ELFN2: variants seen among roughly 807,000 people sequenced by gnomAD.
The protein encoded by ELFN2 is protein phosphatase 1 regulatory subunit 29.
A neutral mutation model predicts 45.5 loss-of-function variants in ELFN2; 17 were observed. The observed-to-expected ratio is 0.37, with a 90% CI of 0.26 to 0.56. The LOEUF is 0.56. ELFN2 is among the 20% of genes least tolerant of loss of function. The pLI, the probability that ELFN2 is intolerant of heterozygous loss-of-function variation, is 0.77. For synonymous variants in ELFN2, 550 were observed against 551.5 expected, an observed-to-expected ratio of 1.00 and a Z score of 0.04; for missense variants, 922 against 1,183.2, an observed-to-expected ratio of 0.78 and a Z score of 3.24.
intron 1 of ELFN2, among the ~76,000 whole-genome samples, chr22:37,348,917 G>A (rs1211140140): frequency 6.6e-6 from 1 of 150,818 alleles, no homozygotes; most frequent in African/African-American, 2.4e-5. Context: ...GATAGGAAGT[G>A]AGCCCTGGGG....
intron 1 of ELFN2, among the ~76,000 whole-genome samples, chr22:37,348,633 G>T (rs1446302267): frequency 6.6e-6 from 1 of 150,658 alleles, no homozygotes; most frequent in African/African-American, 2.4e-5. Flanking sequence ...CCATGGTCTG[G>T]GTCTCTCTCT....
chr22:37,375,531 G>C lies in ELFN2; in HGVS notation c.4C>G (p.Leu2Val), dbSNP rs372790138. 6.5e-7 allele frequency: 1 copy of C among 1,548,830 alleles called. No homozygotes were observed. Among genetic ancestry groups the C allele is most frequent in the African/African-American group, 1.4e-5 (1 of 73,094 alleles). M[L>V]RLGLCAAALL... ...GCCGCCGCGCACAGCCCCAGGCGCAGCATGGCGCTGGCCTCGGAGTGAGGG... is the reference window on the plus strand; with the variant it reads ...GCCGCCGCGCACAGCCCCAGGCGCACCATGGCGCTGGCCTCGGAGTGAGGG... Residue 2 changes from leucine (L) to valine (V), a missense_variant, in exon 3 of 3, where the codon CTG becomes GTG. This residue lies in a region of ELFN2 where 358 missense variants were observed against 540.4 expected (regional missense o/e 0.66). Transcript: ENST00000402918.
intron 2 of ELFN2, among the ~76,000 whole-genome samples, chr22:37,384,477 G>A (rs1931880459): frequency 7.2e-6 from 1 of 138,198 alleles, no homozygotes; most frequent in South Asian, 2.3e-4. Flanking sequence ...CCTCCCCCAT[G>A]GACTGTGCCT....
rs542177470 is a variant in ELFN2 at position 37,384,075 on chromosome 22, G to A, written c.-462-8079C>T. 4.6e-5 allele frequency among the ~76,000 whole-genome samples: 7 copies of A among 152,064 alleles called. No homozygotes were observed. The East Asian group carries it at 9.7e-4, about 21-fold the overall frequency. On this transcript the variant is annotated intron_variant, in intron 2 of 2. Transcript: ENST00000402918. ...CCCCCCCATGGCTCACCCGGTCCCC[G>A]TGCCTCCCCTGCTCACAGGGTGCCA...
chr22:37,340,749 C>G (rs1446195859), exon 3 of ELFN2: 2 of 152,296 alleles, frequency 1.3e-5, no homozygotes, highest in Non-Finnish European at 2.9e-5. Flanking sequence ...ATCACACATT[C>G]AACGTCTGGC....
chr22:37,364,810 A>G (rs1206672090), downstream of ELFN2, among the ~76,000 whole-genome samples: 1 of 152,218 alleles, frequency 6.6e-6, no homozygotes, highest in Admixed American at 6.5e-5. Flanking sequence ...GGAAGCAAGG[A>G]GGCTGGGGCT....
chr22:37,355,193 G>A (rs951647399), intron 1 of ELFN2, among the ~76,000 whole-genome samples: 5 of 152,150 alleles, frequency 3.3e-5, no homozygotes, highest in African/African-American at 7.2e-5. Flanking sequence ...GTTTTCTGCC[G>A]CAAGTGACAG....
At position 37,374,688 on chromosome 22, in the gene ELFN2, C is replaced by T; in HGVS notation, c.847G>A (p.Val283Met). Reference protein sequence around the residue: ...SGFNPDEILSVEPPASSTTDA... With the variant: ...SGFNPDEILSMEPPASSTTDA... ...GTGGTGGACGAGGCCGGCGGCTCCA[C>T]CGAAAGGATCTCGTCGGGGTTGAAG... Residue 283 changes from valine (V) to methionine (M), a missense_variant, in exon 3 of 3, where the codon GTG (valine) becomes ATG (methionine). Val to Met is a conservative substitution (Grantham distance 21). Coordinates refer to ENST00000402918, the MANE Select transcript of ELFN2 (RefSeq NM_052906.5). 1 of 1,611,638 alleles carries T rather than the reference C, an allele frequency of 6.2e-7. No homozygotes were observed. Among genetic ancestry groups the T allele is most frequent in the Non-Finnish European group, 8.5e-7 (1 of 1,178,008 alleles).
intron 2 of ELFN2, among the ~76,000 whole-genome samples, chr22:37,390,744 C>T (rs1481063261): frequency 2.0e-5 from 3 of 152,176 alleles, no homozygotes; most frequent in African/African-American, 4.8e-5. Context: ...TGCCCCCTCC[C>T]GCCACCCCTC....
rs982797129 is a variant in ELFN2 at position 37,350,096 on chromosome 22, C to T, written n.149-7393G>A. 4.0e-5 allele frequency among the ~76,000 whole-genome samples: 6 copies of T among 150,904 alleles called. 2 individuals are homozygous for T. Among genetic ancestry groups the T allele is most frequent in the Non-Finnish European group, 8.9e-5 (6 of 67,246 alleles). ...CAGAGGGCTGCTGGCTCAAAGGACA[C>T]AGCACCCAGAGACGCCCTTGTCGGA... is the stretch of plus-strand genomic sequence containing the variant. On this transcript the variant is annotated intron_variant and non_coding_transcript_variant, in intron 1 of 2. Transcript: ENST00000452946.
downstream of ELFN2, among the ~76,000 whole-genome samples, chr22:37,364,567 G>T (rs1328773541): frequency 6.6e-6 from 1 of 152,150 alleles, no homozygotes; most frequent in Non-Finnish European, 1.5e-5. Flanking sequence ...AGGCAGGAAG[G>T]GAGCAGGAAA....
At position 37,417,230 on chromosome 22, in the gene ELFN2, T is replaced by G. The variant is rs933322578; in HGVS notation, c.-463+539A>C. 1.3e-5 allele frequency among the ~76,000 whole-genome samples: 2 copies of G among 152,088 alleles called. No individual in the cohort carries two copies. The highest frequency in any genetic ancestry group is 2.9e-5 in the Non-Finnish European group (2 of 67,996). On this transcript the variant is annotated intron_variant, in intron 2 of 2. Transcript: ENST00000402918. The surrounding 1 kb of genome is among the most constrained non-coding windows in gnomAD (Gnocchi z 4.5). ...TTGCGGCCTCCTAGTGCCAGACGGC[T>G]CTCCCTGTGCCTCCAAAATTCAATG...
chr22:37,396,252 T>C (rs1466384987), intron 2 of ELFN2, among the ~76,000 whole-genome samples: 4 of 152,234 alleles, frequency 2.6e-5, no homozygotes, highest in Non-Finnish European at 4.4e-5. Context: ...AATTTTCAGA[T>C]TGGGTTTGCT....
chr22:37,423,998 G>A (rs972032588), intron 1 of ELFN2, among the ~76,000 whole-genome samples: 9 of 152,152 alleles, frequency 5.9e-5, no homozygotes, highest in Non-Finnish European at 1.3e-4. Context: ...CCTTCTAGAC[G>A]ATTAACACAG....
intron 1 of ELFN2, among the ~76,000 whole-genome samples, chr22:37,343,762 C>T (rs1930621324): frequency 6.7e-6 from 1 of 150,050 alleles, no homozygotes; most frequent in Admixed American, 6.6e-5. Context: ...TCACCCACCT[C>T]AGTCCCTCCA....
Position 37,374,104 on chromosome 22 carries a change from G to T in ELFN2, c.1431C>A (p.Ile477=). 6.2e-7 allele frequency: 1 copy of T among 1,613,064 alleles called. No homozygotes were observed. The highest frequency in any genetic ancestry group is 8.5e-7 in the Non-Finnish European group (1 of 1,180,020). Residue 477 remains isoleucine (I), a synonymous_variant, in exon 3 of 3, where the codon ATC becomes ATA. Transcript: ENST00000402918. ...VSRMASIPSM[I]GEKLPTAKGL... ...CCTTGGCGGTGGGCAGCTTCTCCCC[G>T]ATCATGGAGGGGATGGAGGCCATGC...
intron 2 of ELFN2, among the ~76,000 whole-genome samples, chr22:37,407,983 T>G (rs1176134515): frequency 6.6e-6 from 1 of 152,110 alleles, no homozygotes; most frequent in African/African-American, 2.4e-5. Context: ...GCAACCCCTC[T>G]CCCTTCTCTG....
chr22:37,394,578 G>T (rs781240182), intron 2 of ELFN2, among the ~76,000 whole-genome samples: 2 of 152,176 alleles, frequency 1.3e-5, no homozygotes, highest in African/African-American at 4.8e-5. Flanking sequence ...GGCCAGCACC[G>T]TGAGTCCTCC....
chr22:37,350,925 G>T (rs542131682), intron 1 of ELFN2, among the ~76,000 whole-genome samples: 7 of 149,922 alleles, frequency 4.7e-5, no homozygotes, highest in Non-Finnish European at 9.0e-5. Flanking sequence ...TCCTTCCCCC[G>T]CCTGGGAGTC....
Sources: allele counts gnomAD v4.1 joint callset (sites outside exome capture counted in the v4.1 genomes callset), GRCh38; gene constraint gnomAD v4.1.1; regional missense constraint gnomAD v4.1.1; non-coding constraint Gnocchi (gnomAD v3.1); transcripts MANE v1.5; gene names NCBI Gene and HGNC (gene_info 2026-07-23, HGNC 2026-07-21).